The following FBXL7 variants were observed in gnomAD, a reference collection of about 807,000 sequenced individuals.
FBXL7 encodes the protein F-box/LRR-repeat protein 7.
FBXL7 carries 12 observed loss-of-function variants against 38.3 expected under a neutral mutation model. That is an observed-to-expected ratio of 0.31 (90% CI 0.20 to 0.51). FBXL7 has a LOEUF of 0.51. Among genes scored for constraint, FBXL7 ranks in the 20% least tolerant of loss-of-function variants. The pLI, the probability that FBXL7 is intolerant of heterozygous loss-of-function variation, is 0.98. For missense variants in FBXL7, 567 were observed against 676.4 expected (o/e 0.84, Z 1.79); for synonymous variants, 297 against 300.9 (o/e 0.99, Z 0.13).
In FBXL7 at chr5:15,645,267, G is replaced by C. The variant is rs183794332; in HGVS notation, c.127+29195G>C. Reference sequence around the variant, plus strand: ...TCGCTAAGCTAAAGGGAAAGGTCAAGCTGGGAACTGCTTAGGGCCAACCTG... The same window carrying C: ...TCGCTAAGCTAAAGGGAAAGGTCAACCTGGGAACTGCTTAGGGCCAACCTG... On this transcript the variant is annotated intron_variant, in intron 2 of 3. Coordinates refer to ENST00000504595, the MANE Select transcript of FBXL7 (RefSeq NM_012304.5). 1.9e-3 allele frequency among the ~76,000 whole-genome samples: 291 copies of C among 152,242 alleles called. 2 individuals carry two copies. The highest frequency in any genetic ancestry group is 6.2e-3 in the African/African-American group (258 of 41,550).
chr5:15,736,341 A>G (rs1011759765), intron 2 of FBXL7, among the ~76,000 whole-genome samples: 3 of 152,206 alleles, frequency 2.0e-5, no homozygotes, highest in Admixed American at 6.5e-5. Flanking sequence ...AAGCTTTTCA[A>G]TACTCCAGCA....
chr5:15,569,639 T>C (rs1390964170), intron 1 of FBXL7, among the ~76,000 whole-genome samples: 1 of 151,106 alleles, frequency 6.6e-6, no homozygotes, highest in African/African-American at 2.4e-5. Flanking sequence ...TGAATAGGAG[T>C]GGTGAGAGAG....
At chr5:15,787,686 A>G (rs1351305601) in intron 2 of FBXL7, among the ~76,000 whole-genome samples, 1 of 152,212 alleles carries the variant, frequency 6.6e-6, no homozygotes, top group Non-Finnish European at 1.5e-5. Context: ...CATTTAAGAG[A>G]TGGGTTCCTG....
At chr5:15,826,938 G>A (rs1738330130) in intron 2 of FBXL7, among the ~76,000 whole-genome samples, 1 of 149,596 alleles carries the variant, frequency 6.7e-6, no homozygotes, top group Non-Finnish European at 1.5e-5. Context: ...TTTTTTCCAC[G>A]AGAAATTTAC....
chr5:15,725,804 T>G (rs1311575687), intron 2 of FBXL7, among the ~76,000 whole-genome samples: 1 of 151,992 alleles, frequency 6.6e-6, no homozygotes, highest in Non-Finnish European at 1.5e-5. Context: ...GCCGGCTAAT[T>G]TTTTTGTATT....
intron 2 of FBXL7, among the ~76,000 whole-genome samples, chr5:15,774,775 TCTCA>T (rs974819841): frequency 6.6e-6 from 1 of 152,222 alleles, no homozygotes; most frequent in African/African-American, 2.4e-5. Context: ...CTTTTCTGAT[TCTCA>T]CTCTTGAATT....
At chr5:15,880,855 G>T (rs1008251335) in intron 2 of FBXL7, among the ~76,000 whole-genome samples, 25 of 150,966 alleles carry the variant, frequency 1.7e-4, no homozygotes, top group African/African-American at 5.8e-4. Context: ...AGTGTAGTAT[G>T]CTCTGTAGTA....
chr5:15,730,713 C>T (rs1384290832), intron 2 of FBXL7, among the ~76,000 whole-genome samples: 1 of 152,102 alleles, frequency 6.6e-6, no homozygotes, highest in East Asian at 1.9e-4. Context: ...TTTGGAGAAG[C>T]TATTTATTTC....
chr5:15,876,899 G>T, intron 2 of FBXL7, among the ~76,000 whole-genome samples: 1 of 152,190 alleles, frequency 6.6e-6, no homozygotes, highest in Non-Finnish European at 1.5e-5. Context: ...TGGTTACTAA[G>T]TATTTTGTGA....
intron 1 of FBXL7, among the ~76,000 whole-genome samples, chr5:15,551,229 C>T (rs917066175): frequency 3.3e-5 from 5 of 152,150 alleles, no homozygotes; most frequent in Non-Finnish European, 5.9e-5. Context: ...GTGTTCTTTA[C>T]ATGTCCCTTG....
At chr5:15,605,720 C>T (rs1017890763) in intron 1 of FBXL7, among the ~76,000 whole-genome samples, 4 of 152,162 alleles carry the variant, frequency 2.6e-5, no homozygotes, top group African/African-American at 9.7e-5. Flanking sequence ...ACAACAATTA[C>T]AATGGCAAAT....
intron 2 of FBXL7, among the ~76,000 whole-genome samples, chr5:15,680,608 G>A (rs1009496322): frequency 6.6e-6 from 1 of 152,156 alleles, no homozygotes; most frequent in Non-Finnish European, 1.5e-5. Flanking sequence ...TGAGATGTCA[G>A]CCAGAAATAA....
At chr5:15,563,902 T>C (rs1199631519) in intron 1 of FBXL7, among the ~76,000 whole-genome samples, 1 of 150,458 alleles carries the variant, frequency 6.6e-6, no homozygotes, top group Non-Finnish European at 1.5e-5. Flanking sequence ...TTTCTAAATA[T>C]TTCAAAAAAA....
intron 1 of FBXL7, among the ~76,000 whole-genome samples, chr5:15,510,011 C>T (rs377288539): frequency 1.3e-5 from 2 of 152,168 alleles, no homozygotes; most frequent in African/African-American, 2.4e-5. Flanking sequence ...GCATTTTCCC[C>T]GTTCCGTAGT....
intron 1 of FBXL7, among the ~76,000 whole-genome samples, chr5:15,585,217 A>G (rs1251349268): frequency 6.6e-6 from 1 of 152,232 alleles, no homozygotes; most frequent in Non-Finnish European, 1.5e-5. Flanking sequence ...TGTAATTTGC[A>G]TTAGATGAAA....
At chr5:15,731,589 A>AT (rs1735585922) in intron 2 of FBXL7, among the ~76,000 whole-genome samples, 1 of 152,104 alleles carries the variant, frequency 6.6e-6, no homozygotes, top group African/African-American at 2.4e-5. Context: ...TTGCTTTGGG[A>AT]TGAAAAAAAA....
rs541902157 is a variant in FBXL7, at chr5:15,504,062, A to G, written c.37+3349A>G. Among the ~76,000 whole-genome samples the G allele has an allele frequency of 9.2e-5, 14 of 152,368 alleles. 1 individual carries two copies. The South Asian group carries it at 2.7e-3, about 29-fold the overall frequency. ...ATCCGCATCACCTGGGAGCTTGTCA[A>G]AAATGCAAAACTACTCCATCATTTA... On this transcript the variant is annotated intron_variant, in intron 1 of 3. Transcript: ENST00000504595.
intron 2 of FBXL7, among the ~76,000 whole-genome samples, chr5:15,887,594 C>T (rs73062477): frequency 5.3e-5 from 8 of 152,232 alleles, no homozygotes; most frequent in Non-Finnish European, 8.8e-5. Flanking sequence ...TGGCCCTCTG[C>T]GCTTCTAAGC....
chr5:15,822,960 T>C (rs1174740180), intron 2 of FBXL7, among the ~76,000 whole-genome samples: 5 of 152,132 alleles, frequency 3.3e-5, no homozygotes, highest in Non-Finnish European at 7.4e-5. Flanking sequence ...AGGTGATGCT[T>C]ATGACCATAC....
Sources: allele counts gnomAD v4.1 joint callset (sites outside exome capture counted in the v4.1 genomes callset), GRCh38; gene constraint gnomAD v4.1.1; transcripts MANE v1.5; gene names NCBI Gene and HGNC (gene_info 2026-07-23, HGNC 2026-07-21).